Variants in COL19A1 observed in about 807,000 individuals in gnomAD.
COL19A1 encodes collagen alpha-1(XIX) chain.
Under a neutral mutation model 190.2 loss-of-function variants are expected in COL19A1, and 159 were observed. The observed-to-expected ratio is 0.84, with a 90% CI of 0.73 to 0.95. COL19A1 has a LOEUF of 0.95. Ranked by LOEUF, COL19A1 falls within the 40% of genes least tolerant of loss-of-function variation. The probability of loss-of-function intolerance (pLI) is 0.00; values close to 1 mark genes in which losing one functional copy is unlikely to be tolerated. For synonymous variants in COL19A1, 509 were observed against 458.9 expected (o/e 1.11, Z -1.39); for missense variants, 1,418 against 1,431.9 (o/e 0.99, Z 0.16).
chr6:69,926,711 T>C (rs926595568), intron 4 of COL19A1, among the ~76,000 whole-genome samples: 1 of 152,008 alleles, frequency 6.6e-6, no homozygotes, highest in African/African-American at 2.4e-5. Context: ...TTTGAAGAAA[T>C]AAGCAATGCA....
chr6:69,959,706 A>G (rs139404159), intron 9 of COL19A1, among the ~76,000 whole-genome samples: 2 of 152,332 alleles, frequency 1.3e-5, no homozygotes, highest in East Asian at 3.9e-4. Flanking sequence ...TAACATGTGG[A>G]AAAACATAGG....
At chr6:69,889,490 T>C (rs1347219318) in intron 2 of COL19A1, among the ~76,000 whole-genome samples, 1 of 152,188 alleles carries the variant, frequency 6.6e-6, no homozygotes, top group Non-Finnish European at 1.5e-5. Flanking sequence ...AACTTTTCTG[T>C]CTAGCTAAAG....
At chr6:70,017,829 T>C (rs1778202641) in intron 11 of COL19A1, among the ~76,000 whole-genome samples, 1 of 152,072 alleles carries the variant, frequency 6.6e-6, no homozygotes, top group African/African-American at 2.4e-5. Context: ...CTAAAAGGTG[T>C]CTGATGGTGG....
chr6:69,983,603 T>G (rs1378274756), intron 11 of COL19A1, among the ~76,000 whole-genome samples: 1 of 152,142 alleles, frequency 6.6e-6, no homozygotes, highest in African/African-American at 2.4e-5. Flanking sequence ...TAGGCTTTTG[T>G]AGAGACCCTT....
rs1213456852 is a variant in COL19A1 at position 70,212,183 on chromosome 6, A to G, written c.*4909A>G. 2.0e-5 allele frequency among the ~76,000 whole-genome samples: 3 copies of G among 152,166 alleles called. No homozygotes were observed. The highest frequency in any genetic ancestry group is 7.2e-5 in the African/African-American group (3 of 41,440). On this transcript the variant is annotated 3_prime_UTR_variant, in exon 51 of 51. Coordinates refer to ENST00000620364, the MANE Select transcript of COL19A1 (RefSeq NM_001858.6). ...ATTTTGGAGATAAATGTTTTTCAGC[A>G]CATTAATGTCTTTAAATTCAGGTTG...
In COL19A1 at chr6:70,115,803, TTG is replaced by T. The variant is rs1195203634; in HGVS notation, c.1279-6075_1279-6074del. On this transcript the variant is annotated intron_variant, in intron 16 of 50. Coordinates refer to ENST00000620364, the MANE Select transcript of COL19A1 (RefSeq NM_001858.6). ...GAGTTTCTAGCAGTTGTTGTTTTTT[TTG>T]TTTTGTTTTTTGGTGTTTTGTTTTT... Among the ~76,000 whole-genome samples, 274 of 146,104 alleles carry T rather than the reference TTG, an allele frequency of 1.9e-3. 3 individuals carry two copies. The highest frequency in any genetic ancestry group is 5.6e-3 in the African/African-American group (222 of 39,590).
intron 48 of COL19A1, among the ~76,000 whole-genome samples, chr6:70,195,886 G>T (rs1295142194): frequency 6.6e-6 from 1 of 152,130 alleles, no homozygotes; most frequent in African/African-American, 2.4e-5. Flanking sequence ...TGCTGCTATT[G>T]TCTCCTTTCA....
chr6:70,036,727 C>T lies in COL19A1; in HGVS notation c.1170+788C>T, dbSNP rs531595803. Among the ~76,000 whole-genome samples the T allele has an allele frequency of 3.3e-5, 5 of 151,788 alleles. No homozygotes were observed. In the East Asian group the frequency reaches 7.8e-4, roughly 24 times the overall value. On this transcript the variant is annotated intron_variant, in intron 14 of 50. Transcript: ENST00000620364. ...TCTTTTGAATTTTATGTTGATGTTA[C>T]CTAGTGAGATAAATTAAGCATTTAA...
intron 48 of COL19A1, among the ~76,000 whole-genome samples, chr6:70,193,262 G>A (rs938988770): frequency 2.6e-5 from 4 of 152,204 alleles, no homozygotes; most frequent in Non-Finnish European, 4.4e-5. Context: ...CCACTCCCAG[G>A]CCATTCTGTG....
chr6:70,071,089 A>G (rs1242973990), intron 15 of COL19A1, among the ~76,000 whole-genome samples: 1 of 152,112 alleles, frequency 6.6e-6, no homozygotes, highest in Non-Finnish European at 1.5e-5. Flanking sequence ...GTTGGTTTTC[A>G]TCAATGATTA....
intron 14 of COL19A1, among the ~76,000 whole-genome samples, chr6:70,055,001 A>C (rs1205682006): frequency 6.6e-6 from 1 of 152,194 alleles, no homozygotes; most frequent in African/African-American, 2.4e-5. Context: ...CTGGGAAAAA[A>C]TATTTACAAC....
intron 7 of COL19A1, among the ~76,000 whole-genome samples, chr6:69,934,077 G>T (rs980585334): frequency 7.2e-5 from 11 of 151,910 alleles, no homozygotes; most frequent in Admixed American, 4.6e-4. Flanking sequence ...AGCTCACTTT[G>T]GGTAGTGAAA....
chr6:70,171,790 C>T (rs1303834219), intron 40 of COL19A1, among the ~76,000 whole-genome samples, 174 bp from the exon 41 acceptor site: 1 of 152,136 alleles, frequency 6.6e-6, no homozygotes, highest in Admixed American at 6.5e-5. Flanking sequence ...AAACTATTTT[C>T]AAACATCAAA....
rs1768229780 is a variant in COL19A1 at position 70,211,903 on chromosome 6, A to C, written c.*4629A>C. On this transcript the variant is annotated 3_prime_UTR_variant, in exon 51 of 51. Transcript: ENST00000620364. ...TAAGACCAAAGCTAAGTCTAAGAAA[A>C]TCTAAATGGAAAAAAAATTGCGTGT... Among the ~76,000 whole-genome samples the C allele has an allele frequency of 6.6e-6, 1 of 152,222 alleles. No homozygotes were observed. Among genetic ancestry groups the C allele is most frequent in the Admixed American group, 6.5e-5 (1 of 15,286 alleles).
At chr6:70,194,816 T>C (rs995380471) in intron 48 of COL19A1, among the ~76,000 whole-genome samples, 2 of 152,106 alleles carry the variant, frequency 1.3e-5, no homozygotes, top group Non-Finnish European at 2.9e-5. Context: ...GAGTCAAACA[T>C]GGGACCAATA....
intron 4 of COL19A1, among the ~76,000 whole-genome samples, chr6:69,926,782 A>G (rs1398435616): frequency 6.6e-6 from 1 of 151,966 alleles, no homozygotes; most frequent in East Asian, 1.9e-4. Context: ...ACAGACTCTA[A>G]GAAGGACAAA....
rs1786295313 is a variant in COL19A1, at chr6:70,142,149, C to A, written c.1572+73C>A. On this transcript the variant is annotated intron_variant, in intron 22 of 50. Coordinates refer to ENST00000620364, the MANE Select transcript of COL19A1 (RefSeq NM_001858.6). ...TAGCCATTCTGTGTAAAACATGGTG[C>A]TTTGGTATGCCACTCATTTTCTTCA... 4 of 1,322,076 alleles carry A rather than the reference C, an allele frequency of 3.0e-6. No individual in the cohort carries two copies. The Admixed American group carries it at 5.9e-5, about 19-fold the overall frequency. The allele number at this position is 1,322,076 out of a possible 1,614,324, so 81.9% of individuals were successfully genotyped here.
intron 11 of COL19A1, among the ~76,000 whole-genome samples, chr6:70,022,740 C>G (rs763902401): frequency 6.6e-6 from 1 of 152,126 alleles, no homozygotes; most frequent in African/African-American, 2.4e-5. Context: ...CTTTTTATAT[C>G]ATGAACATTT....
intron 16 of COL19A1, among the ~76,000 whole-genome samples, chr6:70,116,702 C>T (rs942837435): frequency 2.0e-5 from 3 of 151,876 alleles, no homozygotes; most frequent in African/African-American, 4.8e-5. Context: ...TACTTTTTTA[C>T]AAGCCATTAG....
Sources: allele counts gnomAD v4.1 joint callset (sites outside exome capture counted in the v4.1 genomes callset), GRCh38; gene constraint gnomAD v4.1.1; transcripts MANE v1.5; gene names NCBI Gene and HGNC (gene_info 2026-07-23, HGNC 2026-07-21).